OR7E24: variants seen among roughly 807,000 people sequenced by gnomAD.
OR7E24 encodes the protein olfactory receptor 7E24.
For synonymous variants in OR7E24, 130 were observed against 157.5 expected, an observed-to-expected ratio of 0.83 and a Z score of 1.31; for missense variants, 385 against 410.3, an observed-to-expected ratio of 0.94 and a Z score of 0.53.
the OR7E24 span, among the ~76,000 whole-genome samples, chr19:9,238,684 C>T: frequency 6.6e-6 from 1 of 152,150 alleles, no homozygotes; most frequent in Non-Finnish European, 1.5e-5. Flanking sequence ...TACCCAATCC[C>T]CTCACTTCAC....
chr19:9,235,314 C>A, the OR7E24 span: 5 of 1,254,824 alleles, frequency 4.0e-6, no homozygotes, highest in Admixed American at 6.7e-5. Flanking sequence ...ACCTCCACAG[C>A]CCCATGTAAT....
At chr19:9,225,642 T>C in the OR7E24 span, among the ~76,000 whole-genome samples, 1 of 152,148 alleles carries the variant, frequency 6.6e-6, no homozygotes, top group African/African-American at 2.4e-5. Flanking sequence ...TATTTCATCC[T>C]ATTGGCCTCT....
chr19:9,229,547 AAAG>A, the OR7E24 span, among the ~76,000 whole-genome samples: 3 of 92,554 alleles, frequency 3.2e-5, no homozygotes, highest in African/African-American at 1.5e-4. Context: ...AAAAAAAAAG[AAAG>A]AAAGAAAAGA....
upstream of OR7E24, among the ~76,000 whole-genome samples, chr19:9,247,995 T>A (rs144514986): frequency 6.6e-6 from 1 of 152,344 alleles, no homozygotes; most frequent in African/African-American, 2.4e-5. Context: ...TGGTGTAGTT[T>A]CTTTGTTAGC....
the OR7E24 span, among the ~76,000 whole-genome samples, chr19:9,240,532 C>G: frequency 6.6e-6 from 1 of 152,124 alleles, no homozygotes; most frequent in Non-Finnish European, 1.5e-5. Context: ...AATGATTTGC[C>G]ATAAATTCAT....
upstream of OR7E24, chr19:9,247,221 T>C: frequency 2.8e-6 from 1 of 354,170 alleles, no homozygotes; most frequent in Non-Finnish European, 5.0e-6. Flanking sequence ...CCTCTGTTAA[T>C]ATGGGGCAGT....
the OR7E24 span, among the ~76,000 whole-genome samples, chr19:9,231,506 C>T: frequency 1.3e-5 from 2 of 152,080 alleles, no homozygotes; most frequent in Non-Finnish European, 2.9e-5. Flanking sequence ...CTTGAACCTG[C>T]GAGGTGGAGG....
chr19:9,232,647 A>T, the OR7E24 span, among the ~76,000 whole-genome samples: 1 of 151,564 alleles, frequency 6.6e-6, no homozygotes, highest in Non-Finnish European at 1.5e-5. Context: ...CCTCAAGCTT[A>T]TCTATAAAAT....
chr19:9,215,949 G>A, the OR7E24 span, among the ~76,000 whole-genome samples: 4 of 152,116 alleles, frequency 2.6e-5, no homozygotes, highest in African/African-American at 7.2e-5. Context: ...ACAGTTCCAC[G>A]TGGCTGGGGA....
At chr19:9,241,602 T>TA in the OR7E24 span, among the ~76,000 whole-genome samples, 1 of 152,086 alleles carries the variant, frequency 6.6e-6, no homozygotes, top group African/African-American at 2.4e-5. Flanking sequence ...CCATCTCTGC[T>TA]AAAAATGCAA....
At chr19:9,222,857 C>A in the OR7E24 span, among the ~76,000 whole-genome samples, 6 of 152,112 alleles carry the variant, frequency 3.9e-5, no homozygotes, top group Non-Finnish European at 8.8e-5. Context: ...GTGGTGAGAA[C>A]AGGCATTCCT....
At chr19:9,217,526 T>C in the OR7E24 span, among the ~76,000 whole-genome samples, 1 of 152,024 alleles carries the variant, frequency 6.6e-6, no homozygotes, top group African/African-American at 2.4e-5. Flanking sequence ...AGAGGAAGAA[T>C]GGATCATTGG....
upstream of OR7E24, among the ~76,000 whole-genome samples, chr19:9,249,555 G>C (rs769077296): frequency 2.0e-5 from 3 of 152,234 alleles, no homozygotes; most frequent in East Asian, 1.9e-4. Flanking sequence ...AAGAGAAAAG[G>C]ATGCAGAAGG....
the OR7E24 span, among the ~76,000 whole-genome samples, chr19:9,223,735 T>A: frequency 2.7e-4 from 15 of 55,400 alleles, no homozygotes; most frequent in African/African-American, 3.7e-3. Flanking sequence ...TTTTCTCTTC[T>A]TTTTTTTTTT....
At chr19:9,246,468 GT>G (rs1568335105), upstream of OR7E24, among the ~76,000 whole-genome samples, 1,974 of 107,108 alleles carry the variant, frequency 0.018, 26 homozygotes, top group African/African-American at 0.044. Context: ...TAAAGGTATT[GT>G]GTGTGTGTGT....
chr19:9,208,530 G>A, the OR7E24 span: 2 of 152,110 alleles, frequency 1.3e-5, no homozygotes, highest in African/African-American at 2.4e-5. Context: ...TGATGTCTAG[G>A]GATTGTTAAA....
At chr19:9,246,125 A>G (rs529505289), upstream of OR7E24, among the ~76,000 whole-genome samples, 24 of 113,182 alleles carry the variant, frequency 2.1e-4, no homozygotes, top group East Asian at 7.2e-3. Context: ...GCTGGAGTGC[A>G]GTGGCGCGAT....
At chr19:9,231,246 T>C in the OR7E24 span, among the ~76,000 whole-genome samples, 2 of 152,096 alleles carry the variant, frequency 1.3e-5, no homozygotes, top group Admixed American at 1.3e-4. Context: ...AGTGTTTTAA[T>C]ATGGACTATG....
At chr19:9,229,313 G>A in the OR7E24 span, among the ~76,000 whole-genome samples, 54 of 151,838 alleles carry the variant, frequency 3.6e-4, no homozygotes, top group African/African-American at 1.2e-3. Context: ...GTGGATCACC[G>A]GAGGTCAGGA....
Sources: gnomAD v4.1 joint callset for allele counts (sites outside exome capture counted in the v4.1 genomes callset) on GRCh38, gnomAD v4.1.1 for gene constraint, MANE v1.5 for transcripts, NCBI Gene and HGNC (gene_info 2026-07-23, HGNC 2026-07-21) for gene names.